Variants in KCNQ5 observed in about 807,000 individuals in gnomAD.
The protein encoded by KCNQ5 is potassium voltage-gated channel subfamily Q member 5.
KCNQ5 carries 30 observed loss-of-function variants against 98.2 expected under a neutral mutation model. The observed-to-expected ratio is 0.31, with a 90% CI of 0.23 to 0.41. The LOEUF (loss-of-function observed/expected upper bound fraction) is 0.41, where lower values mean the gene tolerates loss of function less well. Among genes scored for constraint, KCNQ5 ranks in the 10% least tolerant of loss-of-function variants. The pLI is 1.00. For missense variants in KCNQ5, 835 were observed against 1,182.5 expected, an observed-to-expected ratio of 0.71 and a Z score of 4.31; for synonymous variants, 458 against 449.4, an observed-to-expected ratio of 1.02 and a Z score of -0.24.
rs559870696 is a variant in KCNQ5 at position 72,901,133 on chromosome 6, C to G, written c.399-102775C>G. 4.5e-5 allele frequency among the ~76,000 whole-genome samples: 6 copies of G among 133,470 alleles called. No individual in the cohort carries two copies. In the South Asian group the frequency reaches 1.8e-3, roughly 40 times the overall value. 87.6% of individuals were successfully genotyped at this position (133,470 alleles called of 152,430 possible). A position where few individuals can be genotyped will look rare whatever the true frequency, so the allele number is the denominator to read the frequency against. On this transcript the variant is annotated intron_variant, in intron 1 of 13. Transcript: ENST00000370398. The stretch of plus-strand genomic sequence containing the variant: ...TAACGCTGTCCCTCCCCCCTCCCCC[C>G]TCCCCCGACCCCACAACAGGGCCTG...
intron 1 of KCNQ5, among the ~76,000 whole-genome samples, chr6:72,772,124 A>T (rs895580535): frequency 6.6e-6 from 1 of 152,114 alleles, no homozygotes; most frequent in Non-Finnish European, 1.5e-5. Context: ...TGCACTATGA[A>T]ATTTAGCCCT....
At chr6:73,171,763 A>G (rs1009622961) in intron 11 of KCNQ5, among the ~76,000 whole-genome samples, 3 of 152,210 alleles carry the variant, frequency 2.0e-5, no homozygotes, top group African/African-American at 7.2e-5. Context: ...GAGTATATCC[A>G]TAAAAGACCC....
At chr6:73,193,262 C>T (rs181469975) in intron 13 of KCNQ5, among the ~76,000 whole-genome samples, 292 of 151,530 alleles carry the variant, frequency 1.9e-3, no homozygotes, top group Non-Finnish European at 3.2e-3. Context: ...TCAAGTGATC[C>T]GCTTGCCTTG....
chr6:72,981,249 G>A (rs879359733), intron 1 of KCNQ5, among the ~76,000 whole-genome samples: 2 of 152,122 alleles, frequency 1.3e-5, no homozygotes, highest in Non-Finnish European at 2.9e-5. Flanking sequence ...GCTCCTCTTT[G>A]TACCGCTGGT....
intron 1 of KCNQ5, among the ~76,000 whole-genome samples, chr6:72,658,827 G>A (rs1237292510): frequency 1.3e-5 from 2 of 151,996 alleles, no homozygotes; most frequent in Non-Finnish European, 2.9e-5. Flanking sequence ...TAATCCACCT[G>A]CCTCAGCCTT....
At chr6:73,155,584 C>T (rs983189885) in intron 10 of KCNQ5, among the ~76,000 whole-genome samples, 1 of 152,190 alleles carries the variant, frequency 6.6e-6, no homozygotes, top group Non-Finnish European at 1.5e-5. Context: ...TCAGAACCAA[C>T]TTCCTTCCCA....
At chr6:72,645,492 A>C (rs1292367950) in intron 1 of KCNQ5, among the ~76,000 whole-genome samples, 3 of 152,090 alleles carry the variant, frequency 2.0e-5, no homozygotes, top group Non-Finnish European at 4.4e-5. Context: ...GAAGTTTAAT[A>C]AGTAGGAAAT....
At chr6:73,035,882 T>G (rs7774687) in intron 2 of KCNQ5, among the ~76,000 whole-genome samples, 135,601 of 152,086 alleles carry the variant, frequency 0.89, 60,892 homozygotes, top group South Asian at 0.95. Context: ...TTCCGCAAAA[T>G]GTAACATTTT....
intron 1 of KCNQ5, among the ~76,000 whole-genome samples, chr6:72,667,961 G>A (rs552889921): frequency 3.3e-5 from 5 of 152,240 alleles, no homozygotes; most frequent in East Asian, 1.9e-4. Context: ...GAGATATGAC[G>A]AACAATTACA....
chr6:72,822,095 G>A (rs1326035238), intron 1 of KCNQ5, among the ~76,000 whole-genome samples: 5 of 152,010 alleles, frequency 3.3e-5, no homozygotes, highest in Non-Finnish European at 7.4e-5. Context: ...TTTCCCTCAA[G>A]GGATCTTTGA....
intron 1 of KCNQ5, among the ~76,000 whole-genome samples, chr6:72,825,541 T>TCTCCTTTTC (rs1775956063): frequency 6.6e-6 from 1 of 152,204 alleles, no homozygotes; most frequent in African/African-American, 2.4e-5. Flanking sequence ...GGGAAGGTTC[T>TCTCCTTTTC]CTCCTTTTCC....
At chr6:73,099,155 A>G (rs1329509321) in intron 5 of KCNQ5, among the ~76,000 whole-genome samples, 3 of 152,102 alleles carry the variant, frequency 2.0e-5, no homozygotes, top group African/African-American at 7.2e-5. Flanking sequence ...TACAATGGAT[A>G]CACACAAAAA....
At chr6:72,684,555 A>G (rs1338948517) in intron 1 of KCNQ5, among the ~76,000 whole-genome samples, 2 of 152,202 alleles carry the variant, frequency 1.3e-5, no homozygotes, top group African/African-American at 4.8e-5. Flanking sequence ...CATTGTATAC[A>G]TGTATCAAAA....
chr6:72,929,450 T>G (rs1471550201), intron 1 of KCNQ5, among the ~76,000 whole-genome samples: 1 of 152,156 alleles, frequency 6.6e-6, no homozygotes, highest in African/African-American at 2.4e-5. Context: ...CAGTCTCTTA[T>G]CCATTAAAAT....
rs907953295 is a variant in KCNQ5 at position 73,196,465 on chromosome 6, C to T, written c.*1051C>T. ...GGCAATGAGAGGGAGAGAAACAAAC[C>T]AAAATAGAAGAACTAGACTTTTTAG... On this transcript the variant is annotated 3_prime_UTR_variant, in exon 14 of 14. Transcript: ENST00000370398. 1.2e-4 allele frequency: 19 copies of T among 152,086 alleles called. No homozygotes were observed. The highest frequency in any genetic ancestry group is 4.3e-4 in the African/African-American group (18 of 41,394). The allele number at this position is 152,086 out of a possible 1,614,324, so 9.4% of individuals were successfully genotyped here.
intron 10 of KCNQ5, among the ~76,000 whole-genome samples, chr6:73,154,570 T>C (rs1777279174): frequency 6.6e-6 from 1 of 152,178 alleles, no homozygotes; most frequent in South Asian, 2.1e-4. Context: ...CTCTTCCTTT[T>C]GTACCAATGT....
chr6:73,120,156 G>A (rs1775687495), intron 7 of KCNQ5, among the ~76,000 whole-genome samples: 1 of 151,768 alleles, frequency 6.6e-6, no homozygotes, highest in South Asian at 2.1e-4. Context: ...TGAGGCACAA[G>A]AATCACTTGA....
chr6:73,100,032 C>T (rs1187298824), intron 5 of KCNQ5, among the ~76,000 whole-genome samples: 1 of 152,092 alleles, frequency 6.6e-6, no homozygotes, highest in East Asian at 1.9e-4. Context: ...AAATCAGTAA[C>T]AAGAGAAAAT....
chr6:73,165,649 G>C (rs1019232988), intron 10 of KCNQ5, among the ~76,000 whole-genome samples: 1 of 152,156 alleles, frequency 6.6e-6, no homozygotes, highest in Admixed American at 6.6e-5. Context: ...ACCAATAAGA[G>C]ATACAAGAAG....
Sources: gnomAD v4.1 joint callset for allele counts (sites outside exome capture counted in the v4.1 genomes callset) on GRCh38, gnomAD v4.1.1 for gene constraint, MANE v1.5 for transcripts, NCBI Gene and HGNC (gene_info 2026-07-23, HGNC 2026-07-21) for gene names.